The following FAF1 variants were observed in gnomAD, a reference collection of about 807,000 sequenced individuals.
The protein encoded by FAF1 is FAS-associated factor 1.
A neutral mutation model predicts 92.5 loss-of-function variants in FAF1; 25 were observed. The ratio of observed to expected loss-of-function variants is 0.27; its 90% CI spans 0.20 to 0.38. The LOEUF is 0.38. FAF1 is among the 10% of genes least tolerant of loss of function. The pLI, the probability that FAF1 is intolerant of heterozygous loss-of-function variation, is 1.00. For synonymous variants in FAF1, 234 were observed against 273.2 expected (o/e 0.86, Z 1.42); for missense variants, 636 against 793.3 (o/e 0.80, Z 2.38).
At chr1:50,603,430 T>C (rs7543272) in intron 8 of FAF1, among the ~76,000 whole-genome samples, 31,208 of 151,954 alleles carry the variant, frequency 0.21, 3,937 homozygotes, top group African/African-American at 0.36. Flanking sequence ...GTAGATAAGG[T>C]TTTTTATAGT....
At chr1:50,504,118 G>C (rs1647025401) in intron 15 of FAF1, among the ~76,000 whole-genome samples, 1 of 152,164 alleles carries the variant, frequency 6.6e-6, no homozygotes, top group South Asian at 2.1e-4. Context: ...ACAGTAGCTT[G>C]GACATAGGTA....
chr1:50,711,761 G>A (rs984841925), intron 6 of FAF1, among the ~76,000 whole-genome samples: 5 of 151,946 alleles, frequency 3.3e-5, no homozygotes, highest in Non-Finnish European at 7.4e-5. Flanking sequence ...CACCACACCC[G>A]GCCTGTTCTT....
At chr1:50,717,019 A>G (rs1658205259) in intron 6 of FAF1, among the ~76,000 whole-genome samples, 1 of 152,212 alleles carries the variant, frequency 6.6e-6, no homozygotes, top group South Asian at 2.1e-4. Context: ...CCAACCCACC[A>G]GAAGGAAGAA....
chr1:50,725,296 G>A (rs538303171), intron 6 of FAF1, among the ~76,000 whole-genome samples: 5 of 152,226 alleles, frequency 3.3e-5, no homozygotes, highest in Non-Finnish European at 5.9e-5. Flanking sequence ...TGATTCTGAA[G>A]CCAAGCTGGA....
chr1:50,864,910 A>C lies in FAF1; in HGVS notation c.46-6913T>G, dbSNP rs1455149071. The stretch of plus-strand genomic sequence containing the variant: ...CCATCAGAGTGAACAAGCAACCTAC[A>C]AAATGGGAGAAAATTTTCACAACCT... On this transcript the variant is annotated intron_variant, in intron 1 of 18. Transcript: ENST00000396153. Among the ~76,000 whole-genome samples the C allele has an allele frequency of 3.9e-5, 6 of 152,146 alleles. No homozygotes were observed. In the South Asian group the frequency reaches 1.2e-3, roughly 32 times the overall value.
chr1:50,678,948 G>A (rs562794238), intron 7 of FAF1, among the ~76,000 whole-genome samples: 83 of 150,738 alleles, frequency 5.5e-4, no homozygotes, highest in African/African-American at 1.9e-3. Flanking sequence ...GTAGCCAGGC[G>A]TGGTGGCAGG....
intron 1 of FAF1, among the ~76,000 whole-genome samples, chr1:50,862,681 A>C (rs554963622): frequency 2.0e-5 from 3 of 152,068 alleles, no homozygotes; most frequent in Admixed American, 2.0e-4. Flanking sequence ...ACACAAACTT[A>C]AGGTAAAGGG....
intron 8 of FAF1, among the ~76,000 whole-genome samples, chr1:50,644,747 C>G (rs1654505389): frequency 6.6e-6 from 1 of 152,190 alleles, no homozygotes; most frequent in South Asian, 2.1e-4. Flanking sequence ...TTTATCCTGT[C>G]TTGCAGTTGT....
intron 3 of FAF1, among the ~76,000 whole-genome samples, chr1:50,797,694 A>T (rs1661814842): frequency 6.6e-6 from 1 of 152,152 alleles, no homozygotes; most frequent in Non-Finnish European, 1.5e-5. Flanking sequence ...CCAAAAAAAC[A>T]AACAACAACA....
At chr1:50,514,624 T>C (rs1647185380) in intron 15 of FAF1, among the ~76,000 whole-genome samples, 1 of 152,228 alleles carries the variant, frequency 6.6e-6, no homozygotes, top group African/African-American at 2.4e-5. Flanking sequence ...TTCCAAGTCC[T>C]AACTGAGATT....
chr1:50,743,143 CCTAAT>C (rs1451098108), intron 5 of FAF1, among the ~76,000 whole-genome samples: 1 of 152,056 alleles, frequency 6.6e-6, no homozygotes, highest in Non-Finnish European at 1.5e-5. Context: ...TTTGCTGCCA[CCTAAT>C]CTAAACTTAT....
At chr1:50,669,994 G>A (rs771645310) in intron 7 of FAF1, among the ~76,000 whole-genome samples, 9 of 152,056 alleles carry the variant, frequency 5.9e-5, no homozygotes, top group Admixed American at 6.5e-5. Flanking sequence ...GGTGGCGCAT[G>A]CCTGTAATCC....
chr1:50,789,022 C>T (rs1052883208), intron 3 of FAF1, among the ~76,000 whole-genome samples: 10 of 151,946 alleles, frequency 6.6e-5, no homozygotes, highest in African/African-American at 2.4e-4. Context: ...TTTGTAGAAA[C>T]GGAGTCTTGT....
chr1:50,811,930 C>G (rs1465768705), intron 2 of FAF1, among the ~76,000 whole-genome samples: 1 of 152,070 alleles, frequency 6.6e-6, no homozygotes, highest in East Asian at 1.9e-4. Context: ...ACCACCAGAT[C>G]TTTGATAAAG....
chr1:50,946,956 G>A (rs1645176624), intron 1 of FAF1, among the ~76,000 whole-genome samples: 1 of 151,822 alleles, frequency 6.6e-6, no homozygotes, highest in Non-Finnish European at 1.5e-5. Context: ...TTGGAAAGAT[G>A]GAAAAAAAGG....
At position 50,453,414 on chromosome 1, in the gene FAF1, C is replaced by G. The variant is rs149652558; in HGVS notation, c.1870-11891G>C. On this transcript the variant is annotated intron_variant, in intron 18 of 18. Transcript: ENST00000396153. ...GGAGTTAAAAGAGTTTAGTCCCTAACGACATACAAAAGACTTGCCGGTGTG... is the reference window on the plus strand; with the variant it reads ...GGAGTTAAAAGAGTTTAGTCCCTAAGGACATACAAAAGACTTGCCGGTGTG... Among the ~76,000 whole-genome samples, 32 of 152,318 alleles carry G rather than the reference C, an allele frequency of 2.1e-4. No individual in the cohort carries two copies. In the East Asian group the frequency reaches 6.0e-3, roughly 28 times the overall value.
intron 7 of FAF1, among the ~76,000 whole-genome samples, chr1:50,666,636 A>G (rs1305660180): frequency 1.3e-5 from 2 of 152,198 alleles, no homozygotes; most frequent in Admixed American, 6.5e-5. Context: ...TAATCCCAAC[A>G]CTTTGGGAGG....
intron 4 of FAF1, among the ~76,000 whole-genome samples, chr1:50,757,632 T>C (rs188533785): frequency 2.1e-4 from 32 of 152,296 alleles, no homozygotes; most frequent in African/African-American, 7.0e-4. Flanking sequence ...TTTTATTCAA[T>C]TTCTATACTT....
intron 1 of FAF1, among the ~76,000 whole-genome samples, chr1:50,917,086 G>A (rs1644923811): frequency 6.6e-6 from 1 of 152,200 alleles, no homozygotes; most frequent in Admixed American, 6.5e-5. Flanking sequence ...AGTGAAAGAT[G>A]ATGGCTTATG....
Sources: allele counts gnomAD v4.1 joint callset (sites outside exome capture counted in the v4.1 genomes callset), GRCh38; gene constraint gnomAD v4.1.1; transcripts MANE v1.5; gene names NCBI Gene and HGNC (gene_info 2026-07-23, HGNC 2026-07-21).